Variants in ITPR2 observed in about 807,000 individuals in gnomAD.
ITPR2 encodes the protein inositol 1,4,5-trisphosphate receptor type 2.
ITPR2 carries 207 observed loss-of-function variants against 317.1 expected under a neutral mutation model. That is an observed-to-expected ratio of 0.65 (90% CI 0.58 to 0.73). ITPR2 has a LOEUF of 0.73. Ranked by LOEUF, ITPR2 falls within the 30% of genes least tolerant of loss-of-function variation. The pLI is 0.00. For missense variants in ITPR2, 2,613 were observed against 3,284.0 expected, an observed-to-expected ratio of 0.80 and a Z score of 4.99; for synonymous variants, 1,156 against 1,149.1, an observed-to-expected ratio of 1.01 and a Z score of -0.12.
At chr12:26,725,887 T>C (rs554725846) in intron 2 of ITPR2, 122 bp from the exon 3 acceptor site, 34 of 628,694 alleles carry the variant, frequency 5.4e-5, no homozygotes, top group African/African-American at 4.2e-4. Flanking sequence ...AAAAGTCATA[T>C]AGTCCGTCCT....
At chr12:26,483,996 G>T in intron 41 of ITPR2, 98 bp from the exon 42 acceptor site, 1 of 1,016,836 alleles carries the variant, frequency 9.8e-7, no homozygotes, top group Non-Finnish European at 1.5e-6. Context: ...ACTTTTCTTT[G>T]TAAGAAAAGT....
At chr12:26,748,037 G>C (rs998875818) in intron 2 of ITPR2, among the ~76,000 whole-genome samples, 5 of 152,044 alleles carry the variant, frequency 3.3e-5, no homozygotes, top group Non-Finnish European at 5.9e-5. Context: ...TTCCAGGAAG[G>C]CTTTCCTAAG....
At chr12:26,609,359 C>T (rs1946211352) in intron 26 of ITPR2, among the ~76,000 whole-genome samples, 1 of 152,200 alleles carries the variant, frequency 6.6e-6, no homozygotes, top group South Asian at 2.1e-4. Context: ...GTAATCCCAG[C>T]ACTTTGGGAG....
At chr12:26,781,564 T>C (rs1005433094) in intron 2 of ITPR2, among the ~76,000 whole-genome samples, 1 of 152,182 alleles carries the variant, frequency 6.6e-6, no homozygotes, top group Non-Finnish European at 1.5e-5. Context: ...CTTATTATTG[T>C]CTTTATTTGA....
intron 37 of ITPR2, chr12:26,495,512 T>C: frequency 2.6e-6 from 1 of 380,608 alleles, no homozygotes; most frequent in South Asian, 3.4e-5. Flanking sequence ...ATGGCAGATA[T>C]TGTGGTGGTG....
chr12:26,750,156 G>A (rs1173119882), intron 2 of ITPR2, among the ~76,000 whole-genome samples: 7 of 152,148 alleles, frequency 4.6e-5, no homozygotes, highest in Admixed American at 1.3e-4. Context: ...TATTCACCAT[G>A]ATGCTGAGCC....
At position 26,663,764 on chromosome 12, in the gene ITPR2, CTT is replaced by C; in HGVS notation, c.1632_1633del (p.Arg545IlefsTer31). 2 of 1,614,148 alleles carry C rather than the reference CTT, an allele frequency of 1.2e-6. No individual in the cohort carries two copies. Among genetic ancestry groups the C allele is most frequent in the Non-Finnish European group, 1.7e-6 (2 of 1,180,008 alleles). Reference sequence around the variant, plus strand: ...CAGCATGTACTTGTAGGGTGCATATCTTTGATCCCCCAGATCTTCAAGTCTCA... The same window carrying C: ...CAGCATGTACTTGTAGGGTGCATATCTGATCCCCCAGATCTTCAAGTCTCA... On this transcript the variant is annotated frameshift_variant, in exon 15 of 57. Transcript: ENST00000381340. LOFTEE classifies it high-confidence loss of function.
At chr12:26,442,458 A>G (rs1941508695) in intron 46 of ITPR2, among the ~76,000 whole-genome samples, 1 of 152,108 alleles carries the variant, frequency 6.6e-6, no homozygotes, top group African/African-American at 2.4e-5. Flanking sequence ...ATCAAACAAC[A>G]GCTCCCATCT....
intron 37 of ITPR2, among the ~76,000 whole-genome samples, chr12:26,503,544 G>A (rs1943120843): frequency 1.3e-5 from 2 of 152,156 alleles, no homozygotes; most frequent in Non-Finnish European, 1.5e-5. Flanking sequence ...CATTGGCAAT[G>A]ACAATGCACG....
intron 55 of ITPR2, among the ~76,000 whole-genome samples, chr12:26,367,861 A>G (rs1197406228): frequency 6.6e-6 from 1 of 152,140 alleles, no homozygotes; most frequent in Non-Finnish European, 1.5e-5. Flanking sequence ...GATATCAACA[A>G]ATTTCTAGTC....
intron 1 of ITPR2, among the ~76,000 whole-genome samples, chr12:26,826,921 G>A (rs141726516): frequency 3.3e-5 from 5 of 152,054 alleles, no homozygotes; most frequent in South Asian, 4.1e-4. Context: ...TCAAGTTGAC[G>A]TACACAGAAA....
Position 26,628,001 on chromosome 12 carries a change from TAA to T in ITPR2, c.3064+30_3064+31del, listed in dbSNP as rs748451688. On this transcript the variant is annotated intron_variant, in intron 23 of 56. Coordinates refer to ENST00000381340, the MANE Select transcript of ITPR2 (RefSeq NM_002223.4). The stretch of plus-strand genomic sequence containing the variant: ...CTTTCAAGTTCTCAGAAAAATAAAA[TAA>T]AAAGAGTAAATACTGTCACAAAAAG... 23 of 1,549,122 alleles carry T rather than the reference TAA, an allele frequency of 1.5e-5. No homozygotes were observed. In the African/African-American group the frequency reaches 3.1e-4, roughly 21 times the overall value.
At chr12:26,779,690 C>G (rs1950042839) in intron 2 of ITPR2, among the ~76,000 whole-genome samples, 1 of 152,216 alleles carries the variant, frequency 6.6e-6, no homozygotes, top group Non-Finnish European at 1.5e-5. Flanking sequence ...CAGCCCCTTT[C>G]TAGGACATCC....
intron 2 of ITPR2, among the ~76,000 whole-genome samples, chr12:26,765,615 T>A (rs748949072): frequency 1.3e-5 from 2 of 152,158 alleles, no homozygotes; most frequent in African/African-American, 4.8e-5. Context: ...GTTGGCTACA[T>A]ACCTTTTGGT....
chr12:26,500,722 A>G (rs1205350397), intron 37 of ITPR2, among the ~76,000 whole-genome samples: 19 of 152,298 alleles, frequency 1.2e-4, no homozygotes, highest in Admixed American at 5.2e-4. Flanking sequence ...ACTCCCTGTT[A>G]CACCGAGTCC....
chr12:26,817,910 C>A (rs1950886489), intron 1 of ITPR2, among the ~76,000 whole-genome samples: 2 of 152,114 alleles, frequency 1.3e-5, no homozygotes, highest in South Asian at 4.1e-4. Flanking sequence ...TACCTGACTG[C>A]AAAGTATAGC....
chr12:26,761,690 A>G (rs1949637049), intron 2 of ITPR2, among the ~76,000 whole-genome samples: 1 of 152,202 alleles, frequency 6.6e-6, no homozygotes, highest in Non-Finnish European at 1.5e-5. Context: ...CCAGCTACTC[A>G]GGAGACTGAG....
intron 34 of ITPR2, among the ~76,000 whole-genome samples, chr12:26,571,807 C>T (rs964414678): frequency 9.2e-5 from 14 of 152,220 alleles, no homozygotes; most frequent in African/African-American, 3.1e-4. Flanking sequence ...GCTTGCTGCT[C>T]TCAGCAAAGC....
At chr12:26,596,446 A>G (rs1030445403) in intron 31 of ITPR2, among the ~76,000 whole-genome samples, 1 of 152,186 alleles carries the variant, frequency 6.6e-6, no homozygotes, top group African/African-American at 2.4e-5. Context: ...CAGGAGTTCG[A>G]GACCAGCCTG....
Sources: gnomAD v4.1 joint callset for allele counts (sites outside exome capture counted in the v4.1 genomes callset) on GRCh38, gnomAD v4.1.1 for gene constraint, MANE v1.5 for transcripts, NCBI Gene and HGNC (gene_info 2026-07-23, HGNC 2026-07-21) for gene names.